STPG2: variants seen among roughly 807,000 people sequenced by gnomAD.
The protein encoded by STPG2 is sperm-tail PG-rich repeat-containing protein 2.
Under a neutral mutation model 54.2 loss-of-function variants are expected in STPG2, and 56 were observed. The ratio of observed to expected loss-of-function variants is 1.03; its 90% CI spans 0.83 to 1.29. The LOEUF (loss-of-function observed/expected upper bound fraction) is 1.29, where lower values mean the gene tolerates loss of function less well. STPG2 is among the 50% of genes most tolerant of loss of function. The pLI is 0.00. For synonymous variants in STPG2, 200 were observed against 181.8 expected (o/e 1.10, Z -0.81); for missense variants, 596 against 544.9 (o/e 1.09, Z -0.93).
intron 9 of STPG2, among the ~76,000 whole-genome samples, chr4:97,745,985 T>G (rs1262179807): frequency 6.6e-6 from 1 of 151,308 alleles, no homozygotes; most frequent in African/African-American, 2.4e-5. Context: ...TCTTTCAGGC[T>G]TAAGTATCTC....
intron 8 of STPG2, among the ~76,000 whole-genome samples, chr4:97,845,926 A>G (rs1278984346): frequency 6.6e-6 from 1 of 152,176 alleles, no homozygotes. Context: ...CTAAGAGAAA[A>G]AGAAAGAATT....
At chr4:97,604,934 TAAGGAA>T (rs1244486990) in intron 10 of STPG2, among the ~76,000 whole-genome samples, 1 of 151,728 alleles carries the variant, frequency 6.6e-6, no homozygotes, top group Non-Finnish European at 1.5e-5. Context: ...CTCGTCTTCT[TAAGGAA>T]AAGTAAATAA....
rs988853676 is a variant in STPG2 at position 98,083,602 on chromosome 4, T to C, written c.612+22351A>G. Among the ~76,000 whole-genome samples, 27 of 152,194 alleles carry C rather than the reference T, an allele frequency of 1.8e-4. 1 individual carries two copies. The highest frequency in any genetic ancestry group is 6.5e-4 in the African/African-American group (27 of 41,444). On this transcript the variant is annotated intron_variant, in intron 5 of 10. Transcript: ENST00000295268. ...CTTCAAATATACAATTCTATTAATA[T>C]TGGAGTATTCCAGGAAGAGGGGATA...
At chr4:97,863,261 G>A (rs1050320056) in intron 8 of STPG2, among the ~76,000 whole-genome samples, 1 of 151,846 alleles carries the variant, frequency 6.6e-6, no homozygotes, top group Non-Finnish European at 1.5e-5. Context: ...ATGATGAAGG[G>A]GATATCACCA....
At chr4:97,446,512 G>A (rs1017372299) in intron 4 of STPG2, among the ~76,000 whole-genome samples, 29 of 152,182 alleles carry the variant, frequency 1.9e-4, no homozygotes, top group African/African-American at 7.0e-4. Context: ...AGGGAGGACA[G>A]GTATACTCAC....
At chr4:97,781,979 C>A (rs549741479) in intron 9 of STPG2, among the ~76,000 whole-genome samples, 1 of 152,312 alleles carries the variant, frequency 6.6e-6, no homozygotes, top group East Asian at 1.9e-4. Context: ...CAATATCATA[C>A]TGAATGGGTG....
intron 6 of STPG2, among the ~76,000 whole-genome samples, chr4:97,979,270 G>GAT (rs397828708): frequency 1.3e-5 from 2 of 151,588 alleles, no homozygotes; most frequent in African/African-American, 4.9e-5. Flanking sequence ...GGATGACTCA[G>GAT]CAGAACCAAG....
At chr4:97,873,115 G>A (rs769391600) in intron 8 of STPG2, among the ~76,000 whole-genome samples, 5 of 150,912 alleles carry the variant, frequency 3.3e-5, no homozygotes, top group East Asian at 3.9e-4. Context: ...ATATCCTCAC[G>A]TACCCACACA....
At chr4:97,592,171 AT>A (rs1305509556) in intron 10 of STPG2, among the ~76,000 whole-genome samples, 1 of 152,084 alleles carries the variant, frequency 6.6e-6, no homozygotes, top group Non-Finnish European at 1.5e-5. Flanking sequence ...AATTGGTAAA[AT>A]TTTTTAATTA....
chr4:97,562,496 G>C, intron 10 of STPG2, among the ~76,000 whole-genome samples: 1 of 152,188 alleles, frequency 6.6e-6, no homozygotes, highest in Admixed American at 6.5e-5. Context: ...GGAGTGGTGA[G>C]GGAGGGCATC....
intron 4 of STPG2, among the ~76,000 whole-genome samples, chr4:97,506,706 G>C (rs1730852425): frequency 6.6e-6 from 1 of 151,874 alleles, no homozygotes; most frequent in Admixed American, 6.6e-5. Context: ...CAAATGGACT[G>C]TTATATTAGA....
intron 10 of STPG2, among the ~76,000 whole-genome samples, chr4:97,612,260 A>C (rs200412390): frequency 2.0e-4 from 29 of 145,268 alleles, no homozygotes; most frequent in South Asian, 1.3e-3. Context: ...AAAAAAAAAA[A>C]CAAAAAAAAA....
intron 10 of STPG2, among the ~76,000 whole-genome samples, chr4:97,564,937 T>A (rs1017505843): frequency 1.3e-5 from 2 of 152,178 alleles, no homozygotes; most frequent in African/African-American, 4.8e-5. Context: ...TCGAGGAGTA[T>A]CTTTGTGGCG....
Position 97,894,106 on chromosome 4 carries a change from A to C in STPG2, c.1044+49791T>G, listed in dbSNP as rs113622833. ...TACTTTGCAGAAATCTAGATGTATA[A>C]AAGTTTGGCCTTATGTAACTATGAA... On this transcript the variant is annotated intron_variant, in intron 8 of 10. Transcript: ENST00000295268. Among the ~76,000 whole-genome samples, 865 of 152,094 alleles carry C rather than the reference A, an allele frequency of 5.7e-3. 5 individuals carry two copies. Among genetic ancestry groups the C allele is most frequent in the Middle Eastern group, 0.02 (6 of 294 alleles).
intron 3 of STPG2, among the ~76,000 whole-genome samples, chr4:98,119,316 T>C (rs1479344146): frequency 6.6e-6 from 1 of 152,032 alleles, no homozygotes; most frequent in Non-Finnish European, 1.5e-5. Context: ...CCTTCAGATA[T>C]TCATAATATA....
intron 4 of STPG2, among the ~76,000 whole-genome samples, chr4:98,106,586 C>A (rs1209322851): frequency 6.6e-6 from 1 of 152,094 alleles, no homozygotes. Context: ...TGGAGTTAGA[C>A]AGCCTAATAA....
At chr4:97,586,294 A>G (rs915235502) in intron 10 of STPG2, among the ~76,000 whole-genome samples, 1 of 151,928 alleles carries the variant, frequency 6.6e-6, no homozygotes, top group Non-Finnish European at 1.5e-5. Flanking sequence ...AGAAAAATAT[A>G]CTGAAAAAAG....
intron 4 of STPG2, among the ~76,000 whole-genome samples, chr4:97,514,600 T>C (rs1399428831): frequency 2.6e-5 from 4 of 152,146 alleles, no homozygotes; most frequent in Non-Finnish European, 4.4e-5. Flanking sequence ...TAAACACAAC[T>C]GAATCATTTA....
intron 5 of STPG2, among the ~76,000 whole-genome samples, chr4:98,018,869 GT>G (rs1297588753): frequency 6.1e-5 from 9 of 148,034 alleles, no homozygotes; most frequent in South Asian, 2.1e-4. Flanking sequence ...GGGGTTGTTT[GT>G]TTTTTTTTTG....
Sources: gnomAD v4.1 joint callset for allele counts (sites outside exome capture counted in the v4.1 genomes callset) on GRCh38, gnomAD v4.1.1 for gene constraint, MANE v1.5 for transcripts, NCBI Gene and HGNC (gene_info 2026-07-23, HGNC 2026-07-21) for gene names.